The following SLC39A11 variants were observed in gnomAD, a reference collection of about 807,000 sequenced individuals.
The protein encoded by SLC39A11 is solute carrier family 39 member 11, also known as zinc transporter ZIP11.
Under a neutral mutation model 36.1 loss-of-function variants are expected in SLC39A11, and 33 were observed. That is an observed-to-expected ratio of 0.91 (90% confidence interval 0.69 to 1.22). The LOEUF (loss-of-function observed/expected upper bound fraction) is 1.22. Ranked by LOEUF, SLC39A11 falls within the 50% of genes most tolerant of loss-of-function variation. The pLI is 0.00. For missense variants in SLC39A11, 432 were observed against 430.3 expected, an observed-to-expected ratio of 1.00 and a Z score of -0.03; for synonymous variants, 166 against 170.3, an observed-to-expected ratio of 0.97 and a Z score of 0.20.
intron 6 of SLC39A11, among the ~76,000 whole-genome samples, chr17:72,789,402 G>T (rs1598743276): frequency 1.3e-5 from 2 of 152,178 alleles, no homozygotes; most frequent in Non-Finnish European, 2.9e-5. Context: ...AACAATGGAG[G>T]CCACCTCAAA....
chr17:72,651,274 C>G (rs2069839503), intron 7 of SLC39A11, among the ~76,000 whole-genome samples: 1 of 152,190 alleles, frequency 6.6e-6, no homozygotes, highest in Non-Finnish European at 1.5e-5. Flanking sequence ...TTGAGAGCCA[C>G]TGGCCTAAGC....
intron 6 of SLC39A11, among the ~76,000 whole-genome samples, chr17:72,774,162 G>A (rs117624285): frequency 1.8e-4 from 28 of 152,292 alleles, no homozygotes; most frequent in African/African-American, 5.1e-4. Flanking sequence ...GGAAATGTAC[G>A]TGAATAATGG....
intron 5 of SLC39A11, among the ~76,000 whole-genome samples, chr17:72,879,782 C>T (rs914540593): frequency 6.6e-6 from 1 of 152,180 alleles, no homozygotes; most frequent in African/African-American, 2.4e-5. Flanking sequence ...CACCCTAGAC[C>T]TTTTTACCCA....
chr17:73,065,975 C>T (rs1488548686), intron 3 of SLC39A11, among the ~76,000 whole-genome samples: 1 of 152,050 alleles, frequency 6.6e-6, no homozygotes, highest in East Asian at 1.9e-4. Flanking sequence ...AATGAAGGCA[C>T]CTGGCACCAA....
intron 6 of SLC39A11, among the ~76,000 whole-genome samples, chr17:72,805,127 T>C (rs2077208651): frequency 1.3e-5 from 2 of 152,314 alleles, no homozygotes; most frequent in Admixed American, 1.3e-4. Context: ...TCTGTTCTTA[T>C]ACCGCCCTCC....
At chr17:72,843,681 C>T (rs371582454) in intron 6 of SLC39A11, among the ~76,000 whole-genome samples, 4 of 152,294 alleles carry the variant, frequency 2.6e-5, no homozygotes, top group African/African-American at 9.6e-5. Flanking sequence ...TCTGTTGTTT[C>T]TAAGCTACCC....
At chr17:72,781,433 C>CT (rs985022350) in intron 6 of SLC39A11, among the ~76,000 whole-genome samples, 2 of 127,642 alleles carry the variant, frequency 1.6e-5, no homozygotes, top group Non-Finnish European at 3.4e-5. Flanking sequence ...TTTCTTTTTT[C>CT]TTTTTTTTGA....
intron 4 of SLC39A11, among the ~76,000 whole-genome samples, chr17:72,971,317 TAC>T (rs533324650): frequency 3.5e-4 from 50 of 144,462 alleles, no homozygotes; most frequent in African/African-American, 6.9e-4. Flanking sequence ...CACACACACA[TAC>T]ACACACACAC....
chr17:72,971,002 C>A (rs902802424), intron 4 of SLC39A11, among the ~76,000 whole-genome samples: 5 of 152,156 alleles, frequency 3.3e-5, no homozygotes, highest in Non-Finnish European at 5.9e-5. Context: ...ACAGGCTGAT[C>A]GCAGCAGCAC....
intron 4 of SLC39A11, among the ~76,000 whole-genome samples, chr17:72,981,017 C>T (rs1428571867): frequency 7.3e-6 from 1 of 136,642 alleles, no homozygotes; most frequent in African/African-American, 2.9e-5. Flanking sequence ...AGGGAGACTC[C>T]ATCTCAAAAA....
At chr17:72,678,989 G>A (rs973237752) in intron 7 of SLC39A11, among the ~76,000 whole-genome samples, 1 of 152,140 alleles carries the variant, frequency 6.6e-6, no homozygotes, top group Non-Finnish European at 1.5e-5. Flanking sequence ...TGGAACTGGA[G>A]GCCATTATGT....
intron 6 of SLC39A11, chr17:72,822,130 C>T (rs1237667592): frequency 6.6e-6 from 1 of 150,994 alleles, no homozygotes; most frequent in Non-Finnish European, 1.5e-5. Context: ...TCCCAGGTCC[C>T]TATGAAGATG....
At chr17:72,921,563 C>T (rs530010740) in intron 5 of SLC39A11, among the ~76,000 whole-genome samples, 1 of 152,266 alleles carries the variant, frequency 6.6e-6, no homozygotes, top group East Asian at 1.9e-4. Context: ...AAGGAAGAGC[C>T]TGAGGACATT....
intron 3 of SLC39A11, among the ~76,000 whole-genome samples, chr17:73,056,458 C>T (rs767405371): frequency 5.3e-5 from 8 of 152,132 alleles, no homozygotes; most frequent in Admixed American, 1.3e-4. Flanking sequence ...CATGAGCCAC[C>T]GCACCCGGCT....
At position 72,923,033 on chromosome 17, in the gene SLC39A11, A is replaced by G. The variant is rs1016684451; in HGVS notation, c.430+24719T>C. Among the ~76,000 whole-genome samples the G allele has an allele frequency of 7.5e-5, 11 of 146,960 alleles. No individual in the cohort carries two copies. The East Asian group carries it at 1.6e-3, about 22-fold the overall frequency. On this transcript the variant is annotated intron_variant, in intron 5 of 9. Transcript: ENST00000255559. ...ACCCCCTCTCCCCACACTCTCCCCA[A>G]TTTTGCTTTGTATGGTGATTTGGGT... is the stretch of plus-strand genomic sequence containing the variant.
chr17:72,889,608 T>C (rs139601502), intron 5 of SLC39A11, among the ~76,000 whole-genome samples: 278 of 152,306 alleles, frequency 1.8e-3, no homozygotes, highest in African/African-American at 5.8e-3. Flanking sequence ...AACAATTTGA[T>C]TCAATCTCTG....
At chr17:72,886,476 C>A (rs982695668) in intron 5 of SLC39A11, among the ~76,000 whole-genome samples, 1 of 152,090 alleles carries the variant, frequency 6.6e-6, no homozygotes, top group Non-Finnish European at 1.5e-5. Flanking sequence ...CTTACCTATC[C>A]GCAAATCCCA....
chr17:72,923,715 G>C (rs2083843734), intron 5 of SLC39A11, among the ~76,000 whole-genome samples: 1 of 152,108 alleles, frequency 6.6e-6, no homozygotes, highest in Non-Finnish European at 1.5e-5. Flanking sequence ...ATTTGACGAA[G>C]TACTACAATA....
At chr17:72,927,354 G>A (rs1027673903) in intron 5 of SLC39A11, among the ~76,000 whole-genome samples, 8 of 152,126 alleles carry the variant, frequency 5.3e-5, no homozygotes. Flanking sequence ...GAGTCACTGC[G>A]CCCAGTCCCA....
Sources: allele counts gnomAD v4.1 joint callset (sites outside exome capture counted in the v4.1 genomes callset), GRCh38; gene constraint gnomAD v4.1.1; transcripts MANE v1.5; gene names NCBI Gene and HGNC (gene_info 2026-07-23, HGNC 2026-07-21).